Variants in SLC38A11 observed in about 807,000 individuals in gnomAD.
The protein encoded by SLC38A11 is solute carrier family 38 member 11.
A neutral mutation model predicts 49.4 loss-of-function variants in SLC38A11; 51 were observed. The ratio of observed to expected loss-of-function variants is 1.03; its 90% CI spans 0.83 to 1.30. The LOEUF is 1.30. Among genes scored for constraint, SLC38A11 ranks in the 50% most tolerant of loss-of-function variants. The pLI is 0.00. For missense variants in SLC38A11, 574 were observed against 556.2 expected (o/e 1.03, Z -0.32); for synonymous variants, 203 against 192.9 (o/e 1.05, Z -0.43).
chr2:164,908,509 A>G (rs1202112278), intron 11 of SLC38A11, 131 bp downstream of exon 11: 2 of 784,072 alleles, frequency 2.6e-6, no homozygotes, highest in African/African-American at 1.8e-5. Context: ...AATATTTACT[A>G]TTACAAACAT....
chr2:164,916,328 TAAC>T (rs1685784101), intron 7 of SLC38A11, among the ~76,000 whole-genome samples: 1 of 152,106 alleles, frequency 6.6e-6, no homozygotes, highest in Non-Finnish European at 1.5e-5. Context: ...ATACAAAAAT[TAAC>T]AATGCCCAGT....
intron 7 of SLC38A11, among the ~76,000 whole-genome samples, chr2:164,929,393 T>C (rs968423486): frequency 3.9e-5 from 6 of 152,170 alleles, no homozygotes; most frequent in African/African-American, 1.4e-4. Context: ...CAACTCAATA[T>C]AGGCCATGAT....
At position 164,945,528 on chromosome 2, in the gene SLC38A11, T is replaced by G. The variant is rs1053793833; in HGVS notation, c.364+65A>C. ...ATTCTTTAATGACTATTAAAAGTAT[T>G]TTATTCAGAAATGACCATATGCTTA... On this transcript the variant is annotated intron_variant, in intron 4 of 11. Transcript: ENST00000685975. 6 of 1,448,382 alleles carry G rather than the reference T, an allele frequency of 4.1e-6. 1 individual carries two copies. In the Admixed American group the frequency reaches 1.3e-4, roughly 31 times the overall value. 89.7% of individuals were successfully genotyped at this position (1,448,382 alleles called of 1,614,324 possible).
intron 4 of SLC38A11, 98 bp downstream of exon 4, chr2:164,945,495 A>G: frequency 8.7e-7 from 1 of 1,151,454 alleles, no homozygotes; most frequent in Non-Finnish European, 1.2e-6. Flanking sequence ...TTCAACTGCT[A>G]TAGTGATATT....
At chr2:164,908,428 C>A (rs1444737491) in intron 11 of SLC38A11, among the ~76,000 whole-genome samples, 1 of 152,030 alleles carries the variant, frequency 6.6e-6, no homozygotes, top group African/African-American at 2.4e-5. Flanking sequence ...TTGTGACGAC[C>A]CCATATGTCT....
At chr2:164,953,261 G>C (rs1688643305) in intron 2 of SLC38A11, 1 of 152,728 alleles carries the variant, frequency 6.5e-6, no homozygotes, top group Non-Finnish European at 1.5e-5. Context: ...AGAGAAAAAT[G>C]AGAAGGCGAA....
chr2:164,936,058 C>T (rs1687350822), intron 7 of SLC38A11, among the ~76,000 whole-genome samples: 1 of 152,132 alleles, frequency 6.6e-6, no homozygotes, highest in African/African-American at 2.4e-5. Flanking sequence ...TGTCATTTAA[C>T]AATACTCGGT....
At chr2:164,923,012 G>A (rs897847700) in intron 7 of SLC38A11, among the ~76,000 whole-genome samples, 17 of 152,162 alleles carry the variant, frequency 1.1e-4, no homozygotes, top group Non-Finnish European at 2.2e-4. Context: ...TGAGATAACT[G>A]GCTAACCATA....
chr2:164,908,030 A>T (rs542954729), intron 11 of SLC38A11: 2 of 152,204 alleles, frequency 1.3e-5, no homozygotes, highest in African/African-American at 2.4e-5. Flanking sequence ...GGATTAATTC[A>T]ACTGTGATAT....
At chr2:164,924,036 C>T (rs866333053) in intron 7 of SLC38A11, among the ~76,000 whole-genome samples, 5 of 152,272 alleles carry the variant, frequency 3.3e-5, no homozygotes, top group Admixed American at 6.5e-5. Context: ...TGCAGCAGTA[C>T]TCACAATAGC....
intron 11 of SLC38A11, among the ~76,000 whole-genome samples, chr2:164,900,117 T>C (rs1314715018): frequency 1.3e-5 from 2 of 152,156 alleles, no homozygotes; most frequent in Non-Finnish European, 2.9e-5. Context: ...TTGTGGCTAA[T>C]GGCAGGATCT....
At position 164,915,104 on chromosome 2, in the gene SLC38A11, C is replaced by T. The variant is rs774123256; in HGVS notation, c.850+8G>A. On this transcript the variant is annotated splice_region_variant and intron_variant, in intron 9 of 11. Coordinates refer to ENST00000685975, the MANE Select transcript of SLC38A11 (RefSeq NM_001351537.2). The stretch of plus-strand genomic sequence containing the variant: ...ACATGAACACTATAACTGAATCTCT[C>T]ATTTTACCTTGGGTGAAGCCAGTAA... The T allele has an allele frequency of 1.9e-6, 3 of 1,600,942 alleles. No individual in the cohort carries two copies. Among genetic ancestry groups the T allele is most frequent in the Non-Finnish European group, 2.6e-6 (3 of 1,174,442 alleles).
At chr2:164,953,916 C>T (rs1328037099) in intron 2 of SLC38A11, among the ~76,000 whole-genome samples, 6 of 152,114 alleles carry the variant, frequency 3.9e-5, no homozygotes, top group Admixed American at 3.9e-4. Flanking sequence ...AATATAGCTG[C>T]TTTTATTACT....
chr2:164,916,373 A>T (rs727452), intron 7 of SLC38A11, among the ~76,000 whole-genome samples: 2 of 152,116 alleles, frequency 1.3e-5, no homozygotes, highest in African/African-American at 4.8e-5. Flanking sequence ...TATTTTTTTC[A>T]GGCTTAACCT....
At chr2:164,922,996 T>C (rs1240628515) in intron 7 of SLC38A11, among the ~76,000 whole-genome samples, 84 of 152,134 alleles carry the variant, frequency 5.5e-4, no homozygotes. Context: ...AGCCAATAAG[T>C]GGTGCTGAGA....
At chr2:164,924,859 C>T (rs1043943565) in intron 7 of SLC38A11, among the ~76,000 whole-genome samples, 2 of 152,022 alleles carry the variant, frequency 1.3e-5, no homozygotes, top group Non-Finnish European at 2.9e-5. Context: ...CTCAGCCTCC[C>T]GAGTAGCTGG....
chr2:164,930,125 T>A (rs1428863052), intron 7 of SLC38A11, among the ~76,000 whole-genome samples: 1 of 151,786 alleles, frequency 6.6e-6, no homozygotes, highest in Non-Finnish European at 1.5e-5. Context: ...TATGAACACC[T>A]CCATGCACAT....
In SLC38A11 at chr2:164,897,581, C is replaced by T. The variant is rs1435531481; in HGVS notation, c.*856G>A. ...CCCAGAAATCTCTCTGAGGAACCCC[C>T]AGTGGACTGAGAAAGCTTCTTCTGT... is the stretch of plus-strand genomic sequence containing the variant. On this transcript the variant is annotated 3_prime_UTR_variant, in exon 12 of 12. Transcript: ENST00000685975. The T allele has an allele frequency of 1.3e-5, 2 of 152,242 alleles. No individual in the cohort carries two copies. Among genetic ancestry groups the T allele is most frequent in the Non-Finnish European group, 2.9e-5 (2 of 68,116 alleles). The allele number at this position is 152,242 out of a possible 1,614,324, so 9.4% of individuals were successfully genotyped here. A position where few individuals can be genotyped will look rare whatever the true frequency, so the allele number is the denominator to read the frequency against.
chr2:164,948,517 T>A (rs901925072), intron 3 of SLC38A11, among the ~76,000 whole-genome samples: 3 of 152,216 alleles, frequency 2.0e-5, no homozygotes, highest in African/African-American at 7.2e-5. Flanking sequence ...TCAGGACTTA[T>A]GCCGTAGTAG....
Sources: allele counts gnomAD v4.1 joint callset (sites outside exome capture counted in the v4.1 genomes callset), GRCh38; gene constraint gnomAD v4.1.1; transcripts MANE v1.5; gene names NCBI Gene and HGNC (gene_info 2026-07-23, HGNC 2026-07-21).